Variants in EYS observed in about 807,000 individuals in gnomAD.
EYS encodes the protein protein eyes shut homolog.
In EYS, 250 loss-of-function variants were observed where a neutral mutation model predicts 282.1. That is an observed-to-expected ratio of 0.89 (90% CI 0.80 to 0.98). The LOEUF is 0.98. Ranked by LOEUF, EYS falls within the 50% of genes least tolerant of loss-of-function variation. The pLI is 0.00. For synonymous variants in EYS, 1,355 were observed against 1,282.9 expected, an observed-to-expected ratio of 1.06 and a Z score of -1.20; for missense variants, 4,016 against 3,709.0, an observed-to-expected ratio of 1.08 and a Z score of -2.15.
chr6:63,817,396 C>G (rs1483160569), intron 36 of EYS, among the ~76,000 whole-genome samples: 1 of 152,180 alleles, frequency 6.6e-6, no homozygotes, highest in East Asian at 1.9e-4. Context: ...AACCTCCTGA[C>G]AGGAGCTGGG....
At chr6:65,608,066 T>A (rs1765862540) in intron 2 of EYS, among the ~76,000 whole-genome samples, 1 of 152,034 alleles carries the variant, frequency 6.6e-6, no homozygotes, top group Non-Finnish European at 1.5e-5. Flanking sequence ...ATGATATAGA[T>A]AAGTGTCACT....
intron 12 of EYS, among the ~76,000 whole-genome samples, chr6:65,256,426 C>G (rs1192826074): frequency 4.3e-5 from 6 of 138,620 alleles, no homozygotes; most frequent in Admixed American, 1.5e-4. Context: ...CGCCTCCCCC[C>G]TCCCCACCAC....
chr6:64,393,381 A>G (rs1773232777), intron 28 of EYS, among the ~76,000 whole-genome samples: 1 of 152,254 alleles, frequency 6.6e-6, no homozygotes. Context: ...AAAAAACCTC[A>G]ATAAAATACT....
intron 12 of EYS, among the ~76,000 whole-genome samples, chr6:65,076,765 C>T (rs1428412362): frequency 6.6e-6 from 1 of 151,660 alleles, no homozygotes; most frequent in Non-Finnish European, 1.5e-5. Flanking sequence ...ATGCTGAGTA[C>T]TTCTACTATC....
At position 65,555,887 on chromosome 6, in the gene EYS, T is replaced by C. The variant is rs532297310; in HGVS notation, c.-332-59894A>G. ...ACTGTAAAATATCTCAATAAGGCAA[T>C]TGAAACTTTTAAAATATATTGGAGT... On this transcript the variant is annotated intron_variant, in intron 2 of 42. Transcript: ENST00000503581. Among the ~76,000 whole-genome samples, 39 of 152,324 alleles carry C rather than the reference T, an allele frequency of 2.6e-4. 1 individual carries two copies. The South Asian group carries it at 4.6e-3, about 18-fold the overall frequency.
At chr6:64,560,672 T>A (rs1315915010) in intron 26 of EYS, among the ~76,000 whole-genome samples, 1 of 152,096 alleles carries the variant, frequency 6.6e-6, no homozygotes, top group Non-Finnish European at 1.5e-5. Flanking sequence ...AATGCCTCAT[T>A]GTATTTACCG....
rs575618448 is a variant in EYS, at chr6:64,524,034, T to C, written c.5644+66189A>G. Among the ~76,000 whole-genome samples the C allele has an allele frequency of 4.6e-5, 7 of 151,746 alleles. No homozygotes were observed. The East Asian group carries it at 1.4e-3, about 29-fold the overall frequency. On this transcript the variant is annotated intron_variant, in intron 26 of 42. Transcript: ENST00000503581. ...GTATTTTTGTACTTTTTACTTATCA[T>C]CCAGGAAACATGCTGAAATAAATAT...
intron 2 of EYS, among the ~76,000 whole-genome samples, chr6:65,606,344 T>C (rs1010524776): frequency 6.6e-6 from 1 of 151,888 alleles, no homozygotes; most frequent in Non-Finnish European, 1.5e-5. Context: ...CATACTAAAA[T>C]GTATTTAAAA....
chr6:64,823,616 G>A (rs987338797), intron 19 of EYS, among the ~76,000 whole-genome samples: 3 of 152,040 alleles, frequency 2.0e-5, no homozygotes, highest in South Asian at 2.1e-4. Context: ...ACTTATAGGT[G>A]TGCCCTGCCC....
In EYS at chr6:64,576,672, ATAAT is replaced by A. The variant is rs1168670070; in HGVS notation, c.5644+13547_5644+13550del. Among the ~76,000 whole-genome samples, 4 of 152,104 alleles carry A rather than the reference ATAAT, an allele frequency of 2.6e-5. No individual in the cohort carries two copies. In the East Asian group the frequency reaches 7.7e-4, roughly 29 times the overall value. On this transcript the variant is annotated intron_variant, in intron 26 of 42. Coordinates refer to ENST00000503581, the MANE Select transcript of EYS (RefSeq NM_001142800.2). ...TATTTCTTTTAAGCTTTCAAACAAA[ATAAT>A]TTTATTTAAAAATAGTTTCTTATTT...
chr6:65,022,062 G>T (rs1464478594), intron 13 of EYS, among the ~76,000 whole-genome samples: 1 of 152,194 alleles, frequency 6.6e-6, no homozygotes, highest in Non-Finnish European at 1.5e-5. Flanking sequence ...TGGGAACACA[G>T]CCAAATCATA....
chr6:64,609,466 AGT>A (rs1767039661), intron 24 of EYS, among the ~76,000 whole-genome samples: 1 of 152,192 alleles, frequency 6.6e-6, no homozygotes, highest in African/African-American at 2.4e-5. Context: ...ATCAGGAGGA[AGT>A]GAGGCTAGAG....
At chr6:64,485,983 A>G (rs1013019790) in intron 26 of EYS, among the ~76,000 whole-genome samples, 1 of 151,424 alleles carries the variant, frequency 6.6e-6, no homozygotes, top group Non-Finnish European at 1.5e-5. Flanking sequence ...AAAATAGACA[A>G]AGGAAATTAT....
At chr6:65,638,678 A>G (rs1767174294) in intron 2 of EYS, among the ~76,000 whole-genome samples, 1 of 152,228 alleles carries the variant, frequency 6.6e-6, no homozygotes, top group Non-Finnish European at 1.5e-5. Context: ...ACCGCGCTGC[A>G]GCAGCCAGCA....
intron 34 of EYS, among the ~76,000 whole-genome samples, chr6:63,993,859 C>A (rs1767713099): frequency 6.6e-6 from 1 of 151,746 alleles, no homozygotes; most frequent in Non-Finnish European, 1.5e-5. Flanking sequence ...AGAAAGAATA[C>A]AAAATGGGAG....
intron 12 of EYS, among the ~76,000 whole-genome samples, chr6:65,155,960 G>A (rs1764719274): frequency 6.6e-6 from 1 of 151,436 alleles, no homozygotes; most frequent in Non-Finnish European, 1.5e-5. Flanking sequence ...TAACAGAAGA[G>A]TAACAAGGAA....
intron 2 of EYS, among the ~76,000 whole-genome samples, chr6:65,581,461 GC>G (rs1232731943): frequency 6.6e-6 from 1 of 151,914 alleles, no homozygotes; most frequent in Non-Finnish European, 1.5e-5. Context: ...TTCTTAGTAG[GC>G]CTCAGGAATG....
chr6:64,270,899 C>A (rs540746843), intron 30 of EYS, among the ~76,000 whole-genome samples: 1 of 151,952 alleles, frequency 6.6e-6, no homozygotes, highest in African/African-American at 2.4e-5. Flanking sequence ...GTGTTTATAA[C>A]TTATAAAAAA....
intron 24 of EYS, among the ~76,000 whole-genome samples, chr6:64,595,908 A>C (rs1766571298): frequency 6.6e-6 from 1 of 152,190 alleles, no homozygotes; most frequent in Non-Finnish European, 1.5e-5. Context: ...TATTTCATAA[A>C]GAAAGTAGGT....
Sources: allele counts gnomAD v4.1 joint callset (sites outside exome capture counted in the v4.1 genomes callset), GRCh38; gene constraint gnomAD v4.1.1; transcripts MANE v1.5; gene names NCBI Gene and HGNC (gene_info 2026-07-23, HGNC 2026-07-21).